The following PRR5L variants were observed in gnomAD, a reference collection of about 807,000 sequenced individuals.
PRR5L encodes the protein proline rich 5 like.
A neutral mutation model predicts 36.4 loss-of-function variants in PRR5L; 21 were observed. That is an observed-to-expected ratio of 0.58 (90% CI 0.41 to 0.83). The LOEUF (loss-of-function observed/expected upper bound fraction) is 0.83, where lower values mean the gene tolerates loss of function less well. Ranked by LOEUF, PRR5L falls within the 40% of genes least tolerant of loss-of-function variation. The pLI, the probability that PRR5L is intolerant of heterozygous loss-of-function variation, is 0.00. For synonymous variants in PRR5L, 188 were observed against 197.0 expected (o/e 0.95, Z 0.38); for missense variants, 381 against 473.3 (o/e 0.80, Z 1.81).
chr11:36,328,697 C>A (rs1431085710), intron 1 of PRR5L, among the ~76,000 whole-genome samples: 6 of 152,144 alleles, frequency 3.9e-5, no homozygotes, highest in African/African-American at 1.4e-4. Context: ...CTTCTCATCT[C>A]CAGTGATAGG....
intron 8 of PRR5L, among the ~76,000 whole-genome samples, chr11:36,453,633 A>G (rs1302840445): frequency 1.3e-5 from 2 of 152,084 alleles, no homozygotes; most frequent in Non-Finnish European, 2.9e-5. Flanking sequence ...CTATATCTGT[A>G]AATGAAGCCA....
At chr11:36,459,799 C>T (rs1859140748) in intron 8 of PRR5L, among the ~76,000 whole-genome samples, 1 of 152,196 alleles carries the variant, frequency 6.6e-6, no homozygotes, top group South Asian at 2.1e-4. Context: ...TTTATCCACC[C>T]AGCATAGGTG....
At chr11:36,328,347 G>T (rs745786913) in intron 1 of PRR5L, among the ~76,000 whole-genome samples, 6 of 152,164 alleles carry the variant, frequency 3.9e-5, no homozygotes, top group Admixed American at 6.5e-5. Context: ...TGGAGGTGGG[G>T]CCTGGTGAGA....
intron 1 of PRR5L, chr11:36,376,081 T>A: frequency 8.7e-7 from 1 of 1,145,672 alleles, no homozygotes; most frequent in Non-Finnish European, 1.2e-6. Flanking sequence ...GGAGCTCCCT[T>A]GACCTGCTGC....
At chr11:36,351,159 TA>T (rs1236564496) in intron 1 of PRR5L, among the ~76,000 whole-genome samples, 2 of 105,458 alleles carry the variant, frequency 1.9e-5, no homozygotes, top group East Asian at 5.5e-4. Flanking sequence ...TAAATATATA[TA>T]ATTTATATAT....
intron 1 of PRR5L, among the ~76,000 whole-genome samples, chr11:36,315,924 A>G (rs903794315): frequency 4.6e-5 from 7 of 152,204 alleles, no homozygotes; most frequent in Admixed American, 2.0e-4. Flanking sequence ...AGGAGCAGAA[A>G]ACAGCTTTGG....
intron 3 of PRR5L, 56 bp from the exon 4 acceptor site, chr11:36,419,199 A>G (rs1307790149): frequency 1.9e-6 from 3 of 1,556,868 alleles, no homozygotes; most frequent in Admixed American, 1.7e-5. Flanking sequence ...CATTGTCACC[A>G]TGAGCTGTAC....
Position 36,418,240 on chromosome 11 carries a change from T to C in PRR5L, c.246-1015T>C, listed in dbSNP as rs75402981. On this transcript the variant is annotated intron_variant, in intron 3 of 8. Coordinates refer to ENST00000530639, the MANE Select transcript of PRR5L (RefSeq NM_001160167.2). ...CATCTTCGTTGCTGGATAAATAAAATCTCTCTATTGTCCCTGCTGTGGTCC... is the reference window on the plus strand; with the variant it reads ...CATCTTCGTTGCTGGATAAATAAAACCTCTCTATTGTCCCTGCTGTGGTCC... Among the ~76,000 whole-genome samples, 748 of 152,242 alleles carry C rather than the reference T, an allele frequency of 4.9e-3. 14 individuals carry two copies. Among genetic ancestry groups the C allele is most frequent in the East Asian group, 0.04 (207 of 5,168 alleles).
intron 1 of PRR5L, among the ~76,000 whole-genome samples, chr11:36,372,804 G>A (rs1857210249): frequency 1.3e-5 from 2 of 152,168 alleles, no homozygotes; most frequent in African/African-American, 4.8e-5. Flanking sequence ...ATTTTTGCAT[G>A]ACGTTTTCTA....
chr11:36,361,275 G>T (rs571651904), intron 1 of PRR5L, among the ~76,000 whole-genome samples: 1 of 152,172 alleles, frequency 6.6e-6, no homozygotes, highest in East Asian at 1.9e-4. Context: ...GATCTCTTAG[G>T]CCAGATATTC....
At position 36,437,846 on chromosome 11, in the gene PRR5L, C is replaced by CT. The variant is rs1339298032; in HGVS notation, c.444+378dup. Among the ~76,000 whole-genome samples the CT allele has an allele frequency of 4.0e-5, 6 of 151,794 alleles. No homozygotes were observed. In the East Asian group the frequency reaches 7.8e-4, roughly 20 times the overall value. ...CCTCTATCTTTCTTCTCTCCCCCTACTTTTTTTTGTGAAGCATAATTTTAA... is the reference window on the plus strand; with the variant it reads ...CCTCTATCTTTCTTCTCTCCCCCTACTTTTTTTTTGTGAAGCATAATTTTAA... On this transcript the variant is annotated intron_variant, in intron 6 of 8. Transcript: ENST00000530639.
At chr11:36,339,010 C>T (rs1221077185) in intron 1 of PRR5L, among the ~76,000 whole-genome samples, 2 of 152,200 alleles carry the variant, frequency 1.3e-5, no homozygotes, top group African/African-American at 2.4e-5. Flanking sequence ...GCTTCCTCCT[C>T]ATTCTCTCTT....
intron 1 of PRR5L, among the ~76,000 whole-genome samples, chr11:36,356,902 T>C (rs1372201060): frequency 6.6e-6 from 1 of 152,196 alleles, no homozygotes; most frequent in African/African-American, 2.4e-5. Context: ...GGAAAGATCA[T>C]GTCTCTCACT....
At chr11:36,394,081 C>T (rs1369276850) in intron 1 of PRR5L, 1 of 152,164 alleles carries the variant, frequency 6.6e-6, no homozygotes, top group Non-Finnish European at 1.5e-5. Flanking sequence ...TTTGAACGGG[C>T]TAATACAGGG....
chr11:36,330,511 C>T (rs1439095427), intron 1 of PRR5L, among the ~76,000 whole-genome samples: 2 of 152,082 alleles, frequency 1.3e-5, no homozygotes, highest in Non-Finnish European at 2.9e-5. Flanking sequence ...TTGTCATATC[C>T]CTTTCCGTGG....
At chr11:36,407,721 C>T (rs1163306591) in intron 3 of PRR5L, among the ~76,000 whole-genome samples, 1 of 152,138 alleles carries the variant, frequency 6.6e-6, no homozygotes, top group Non-Finnish European at 1.5e-5. Context: ...TAGTATGTAC[C>T]TGGGAAATAC....
intron 1 of PRR5L, chr11:36,361,984 TAGAG>T (rs1857093641): frequency 6.7e-6 from 1 of 148,342 alleles, no homozygotes; most frequent in East Asian, 2.0e-4. Flanking sequence ...AGGATGCTAG[TAGAG>T]AGAGTCTTTT....
chr11:36,436,699 G>A (rs1170499321), intron 5 of PRR5L, among the ~76,000 whole-genome samples: 4 of 152,196 alleles, frequency 2.6e-5, no homozygotes, highest in Non-Finnish European at 5.9e-5. Flanking sequence ...CTGTGCACAT[G>A]ATCTTCCTGG....
intron 1 of PRR5L, among the ~76,000 whole-genome samples, chr11:36,357,826 C>T (rs1018212183): frequency 8.5e-5 from 13 of 152,198 alleles, no homozygotes; most frequent in African/African-American, 2.7e-4. Context: ...ACACAACATC[C>T]GTTCTGCAGC....
Sources: allele counts gnomAD v4.1 joint callset (sites outside exome capture counted in the v4.1 genomes callset), GRCh38; gene constraint gnomAD v4.1.1; transcripts MANE v1.5; gene names NCBI Gene and HGNC (gene_info 2026-07-23, HGNC 2026-07-21).